B4GALT4: variants seen among roughly 807,000 people sequenced by gnomAD.
B4GALT4 encodes N-acetyllactosamine synthase.
Under a neutral mutation model 37.3 loss-of-function variants are expected in B4GALT4, and 27 were observed. The ratio of observed to expected loss-of-function variants is 0.72; its 90% confidence interval spans 0.53 to 1.00. The LOEUF is 1.00. Ranked by LOEUF, B4GALT4 falls within the 50% of genes least tolerant of loss-of-function variation. The pLI is 0.00. For synonymous variants in B4GALT4, 148 were observed against 154.1 expected (o/e 0.96, Z 0.29); for missense variants, 372 against 413.1 (o/e 0.90, Z 0.86).
chr3:119,232,083 T>G (rs915706465), intron 2 of B4GALT4, among the ~76,000 whole-genome samples: 1 of 152,026 alleles, frequency 6.6e-6, no homozygotes, highest in Non-Finnish European at 1.5e-5. Flanking sequence ...TAGTTTCAGG[T>G]TAGTTTGAAG....
intron 7 of B4GALT4, chr3:119,214,528 G>C (rs1193351067): frequency 6.6e-6 from 1 of 152,138 alleles, no homozygotes; most frequent in Non-Finnish European, 1.5e-5. Context: ...TGGGATTCAG[G>C]ACCCAGCTTG....
chr3:119,237,600 T>G (rs892426589), intron 1 of B4GALT4, among the ~76,000 whole-genome samples: 2 of 152,264 alleles, frequency 1.3e-5, no homozygotes, highest in Non-Finnish European at 2.9e-5. Flanking sequence ...CATTAAAGTT[T>G]GAGAACCACT....
At chr3:119,238,659 T>C (rs2079057439) in intron 1 of B4GALT4, among the ~76,000 whole-genome samples, 1 of 152,186 alleles carries the variant, frequency 6.6e-6, no homozygotes, top group Non-Finnish European at 1.5e-5. Flanking sequence ...TTATAAGTTA[T>C]ACTTTAGTAT....
intron 2 of B4GALT4, chr3:119,235,241 A>C (rs577065642): frequency 5.9e-5 from 9 of 152,374 alleles, no homozygotes; most frequent in African/African-American, 2.2e-4. Flanking sequence ...TAACAAAAGG[A>C]AAGGAAACAT....
chr3:119,217,294 C>CT (rs34200439), intron 6 of B4GALT4, among the ~76,000 whole-genome samples: 15,400 of 152,242 alleles, frequency 0.1, 986 homozygotes, highest in East Asian at 0.24. Flanking sequence ...CACGTACCCT[C>CT]TGTCCAGTTC....
At chr3:119,235,475 ATGT>A (rs2078959015) in intron 2 of B4GALT4, among the ~76,000 whole-genome samples, 1 of 152,210 alleles carries the variant, frequency 6.6e-6, no homozygotes, top group South Asian at 2.1e-4. Flanking sequence ...AGTGGGCTTG[ATGT>A]TGTCCCAGGC....
intron 5 of B4GALT4, among the ~76,000 whole-genome samples, chr3:119,219,310 T>C (rs1273856139): frequency 6.6e-6 from 1 of 152,238 alleles, no homozygotes; most frequent in Non-Finnish European, 1.5e-5. Flanking sequence ...TCAGAGTCTG[T>C]TTCCTGGATA....
rs1331092354 is a variant in B4GALT4 at position 119,233,413 on chromosome 3, T to C, written c.-145-3169A>G. 3.3e-5 allele frequency among the ~76,000 whole-genome samples: 5 copies of C among 152,320 alleles called. No homozygotes were observed. The East Asian group carries it at 5.8e-4, about 18-fold the overall frequency. ...GGTTTGAACTGCACGGCTCCACTTATACTCAGATTGTTTTCAACCAAATGC... is the reference window on the plus strand; with the variant it reads ...GGTTTGAACTGCACGGCTCCACTTACACTCAGATTGTTTTCAACCAAATGC... On this transcript the variant is annotated intron_variant, in intron 2 of 7. Coordinates refer to ENST00000393765, the MANE Select transcript of B4GALT4 (RefSeq NM_003778.4).
rs2078627237 is a variant in B4GALT4, at chr3:119,226,637, ACT to A, written c.486+170_486+171del. The stretch of plus-strand genomic sequence containing the variant: ...CCAGAACTTGAACCCATAACTCCAC[ACT>A]CTGAGACAAGAATTTCCTCTACTCC... On this transcript the variant is annotated intron_variant, in intron 4 of 7. Transcript: ENST00000393765. The A allele has an allele frequency of 1.9e-5, 12 of 640,248 alleles. No individual in the cohort carries two copies. In the South Asian group the frequency reaches 2.4e-4, roughly 13 times the overall value. The allele number at this position is 640,248 out of a possible 1,614,324, so 39.7% of individuals were successfully genotyped here.
chr3:119,214,293 G>A (rs1444903612), intron 7 of B4GALT4: 1 of 152,190 alleles, frequency 6.6e-6, no homozygotes, highest in Non-Finnish European at 1.5e-5. Flanking sequence ...GTTTTAAAAT[G>A]TAGACTATAA....
At position 119,238,658 on chromosome 3, in the gene B4GALT4, A is replaced by G. The variant is rs563446391; in HGVS notation, c.-363-1588T>C. Reference sequence around the variant, plus strand: ...TCTTACTGTGCCTAACTTATAAGTTATACTTTAGTATAGATATGTATGCAT... The same window carrying G: ...TCTTACTGTGCCTAACTTATAAGTTGTACTTTAGTATAGATATGTATGCAT... On this transcript the variant is annotated intron_variant, in intron 1 of 7. Coordinates refer to ENST00000393765, the MANE Select transcript of B4GALT4 (RefSeq NM_003778.4). 5.3e-5 allele frequency among the ~76,000 whole-genome samples: 8 copies of G among 152,320 alleles called. No homozygotes were observed. The East Asian group carries it at 1.5e-3, about 29-fold the overall frequency.
intron 3 of B4GALT4, among the ~76,000 whole-genome samples, chr3:119,227,254 G>A (rs2078650903): frequency 6.6e-6 from 1 of 152,150 alleles, no homozygotes; most frequent in Non-Finnish European, 1.5e-5. Flanking sequence ...AGCAAGTGGT[G>A]GATATATAAT....
In B4GALT4 at chr3:119,212,618, A is replaced by G. The variant is rs1169574055; in HGVS notation, c.966T>C (p.Tyr322=). The G allele has an allele frequency of 7.4e-6, 12 of 1,613,112 alleles. No homozygotes were observed. The Admixed American group carries it at 8.4e-5, about 11-fold the overall frequency. The change falls in exon 8 of 8, where the codon TAT becomes TAC. Residue 322 remains tyrosine (Y), a synonymous_variant. Coordinates refer to ENST00000393765, the MANE Select transcript of B4GALT4 (RefSeq NM_003778.4). ...GATTGTGTTCCACAGATACTAATTT[A>G]TAAGAACAACTACTCAACCCATCTG... The part of the protein sequence containing the change: ...WRTDGLSSCS[Y]KLVSVEHNPL...
chr3:119,238,350 T>C (rs1355705100), intron 1 of B4GALT4, among the ~76,000 whole-genome samples: 4 of 151,766 alleles, frequency 2.6e-5, no homozygotes, highest in Non-Finnish European at 4.4e-5. Flanking sequence ...TACAAAATGA[T>C]AGTCACTGGT....
At chr3:119,217,033 T>C (rs1464725475) in intron 6 of B4GALT4, among the ~76,000 whole-genome samples, 3 of 152,196 alleles carry the variant, frequency 2.0e-5, no homozygotes, top group South Asian at 4.1e-4. Flanking sequence ...TCAACCAACT[T>C]TCATATTCAA....
intron 4 of B4GALT4, 25 bp from the exon 5 acceptor site, chr3:119,224,270 G>T (rs764786237): frequency 6.5e-7 from 1 of 1,546,330 alleles, no homozygotes; most frequent in Non-Finnish European, 8.7e-7. Context: ...ATTAAAACTT[G>T]AAAAGCTCCT....
chr3:119,230,038 A>C lies in B4GALT4; in HGVS notation c.62T>G (p.Leu21Trp). 6.2e-7 allele frequency: 1 copy of C among 1,614,234 alleles called. No homozygotes were observed. Among genetic ancestry groups the C allele is most frequent in the South Asian group, 1.1e-5 (1 of 91,084 alleles). Reference sequence around the variant, plus strand: ...GGCCCACCCAACCACTGTCAGGCACAAAGTCAACAGCAACAGTAATCGGAA... The same window carrying C: ...GGCCCACCCAACCACTGTCAGGCACCAAGTCAACAGCAACAGTAATCGGAA... Reference protein sequence around the residue: ...YKFRLLLLLTLCLTVVGWATS... With the variant: ...YKFRLLLLLTWCLTVVGWATS... Residue 21 changes from leucine to tryptophan, a missense_variant, in exon 3 of 8, where the codon TTG (leucine) becomes TGG (tryptophan). Leu to Trp is a moderately conservative substitution (Grantham distance 61). Coordinates refer to ENST00000393765, the MANE Select transcript of B4GALT4 (RefSeq NM_003778.4).
At chr3:119,232,454 G>C (rs1428760731) in intron 2 of B4GALT4, 1 of 152,198 alleles carries the variant, frequency 6.6e-6, no homozygotes, top group Non-Finnish European at 1.5e-5. Flanking sequence ...TGGTAGCGTG[G>C]GGTCTCCGCC....
intron 4 of B4GALT4, among the ~76,000 whole-genome samples, chr3:119,225,038 G>A (rs1321237744): frequency 6.6e-6 from 1 of 152,124 alleles, no homozygotes; most frequent in Non-Finnish European, 1.5e-5. Flanking sequence ...AAAGGATCAA[G>A]AAATCTCAAC....
Sources: allele counts gnomAD v4.1 joint callset (sites outside exome capture counted in the v4.1 genomes callset), GRCh38; gene constraint gnomAD v4.1.1; transcripts MANE v1.5; gene names NCBI Gene and HGNC (gene_info 2026-07-23, HGNC 2026-07-21).